The following AP1AR variants were observed in gnomAD, a reference collection of about 807,000 sequenced individuals.
The protein encoded by AP1AR is AP-1 complex-associated regulatory protein.
AP1AR carries 29 observed loss-of-function variants against 46.3 expected under a neutral mutation model. That is an observed-to-expected ratio of 0.63 (90% CI 0.47 to 0.85). The LOEUF (loss-of-function observed/expected upper bound fraction) is 0.85, where lower values mean the gene tolerates loss of function less well. Ranked by LOEUF, AP1AR falls within the 40% of genes least tolerant of loss-of-function variation. The pLI, the probability that AP1AR is intolerant of heterozygous loss-of-function variation, is 0.00. For missense variants in AP1AR, 357 were observed against 356.3 expected (o/e 1.00, Z -0.02); for synonymous variants, 122 against 122.9 (o/e 0.99, Z 0.05).
intron 1 of AP1AR, among the ~76,000 whole-genome samples, chr4:112,243,773 G>C (rs761659348): frequency 3.3e-5 from 5 of 151,296 alleles, no homozygotes; most frequent in African/African-American, 7.3e-5. Context: ...ATGTCTCTTT[G>C]TACACATGTG....
chr4:112,251,748 T>TA (rs1451599274), intron 1 of AP1AR, among the ~76,000 whole-genome samples: 2 of 152,104 alleles, frequency 1.3e-5, no homozygotes, highest in Non-Finnish European at 2.9e-5. Flanking sequence ...AGGCACTAGA[T>TA]AGAGGATTAA....
chr4:112,254,823 T>G (rs778024103), intron 3 of AP1AR, 50 bp downstream of exon 3: 10 of 1,004,778 alleles, frequency 1.0e-5, no homozygotes, highest in Non-Finnish European at 1.3e-5. Flanking sequence ...TTCTCATTAA[T>G]CGTCTCATTA....
At chr4:112,262,544 G>A (rs536888779) in intron 5 of AP1AR, among the ~76,000 whole-genome samples, 1 of 152,316 alleles carries the variant, frequency 6.6e-6, no homozygotes, top group African/African-American at 2.4e-5. Flanking sequence ...GGAGACATGT[G>A]CATTGATGTT....
At chr4:112,249,091 G>C (rs1417017065) in intron 1 of AP1AR, among the ~76,000 whole-genome samples, 1 of 152,032 alleles carries the variant, frequency 6.6e-6, no homozygotes. Flanking sequence ...TCAGGAGTTC[G>C]AGACCAGCCT....
rs777241734 is a variant in AP1AR, at chr4:112,272,728, G to A, written c.*4319G>A. 2.0e-5 allele frequency among the ~76,000 whole-genome samples: 3 copies of A among 151,986 alleles called. No individual in the cohort carries two copies. Among genetic ancestry groups the A allele is most frequent in the Non-Finnish European group, 4.4e-5 (3 of 68,000 alleles). On this transcript the variant is annotated 3_prime_UTR_variant, in exon 10 of 10. Coordinates refer to ENST00000274000, the MANE Select transcript of AP1AR (RefSeq NM_018569.6). ...GCCTTAAATATAATTCTGTCTCTTG[G>A]CTGAATTCTTTCTCCCAAGAAGACA...
intron 8 of AP1AR, among the ~76,000 whole-genome samples, chr4:112,266,295 C>T (rs1023478950): frequency 7.3e-5 from 11 of 151,080 alleles, no homozygotes; most frequent in African/African-American, 2.7e-4. Flanking sequence ...TTTTTTGTGC[C>T]GCTTTGTAAT....
At chr4:112,244,434 A>G (rs1725638098) in intron 1 of AP1AR, among the ~76,000 whole-genome samples, 1 of 152,198 alleles carries the variant, frequency 6.6e-6, no homozygotes, top group Middle Eastern at 3.2e-3. Flanking sequence ...CTGGAATATA[A>G]TACCCAGGCT....
chr4:112,237,400 C>T (rs1026883714), intron 1 of AP1AR, among the ~76,000 whole-genome samples: 2 of 152,172 alleles, frequency 1.3e-5, no homozygotes, highest in African/African-American at 4.8e-5. Flanking sequence ...GCCACTGCGC[C>T]TGGCCAAATA....
At position 112,232,117 on chromosome 4, in the gene AP1AR, GC is replaced by G; in HGVS notation, c.27del (p.Phe10SerfsTer14). ...ATGGGGAACTGCTGCTGGACGCAGT[GC>G]TTCGGACTGCTTCGCAAGGAAGCGG... MGNCCWTQ[C>X]FGLLRKEAGR... On this transcript the variant is annotated frameshift_variant, in exon 1 of 10. Transcript: ENST00000274000. LOFTEE classifies it high-confidence loss of function. 7.7e-7 allele frequency: 1 copy of G among 1,300,914 alleles called. No homozygotes were observed. Among genetic ancestry groups the G allele is most frequent in the South Asian group, 2.4e-5 (1 of 41,166 alleles). The allele number at this position is 1,300,914 out of a possible 1,614,324, so 80.6% of individuals were successfully genotyped here. A position where few individuals can be genotyped will look rare whatever the true frequency, so the allele number is the denominator to read the frequency against.
intron 4 of AP1AR, among the ~76,000 whole-genome samples, chr4:112,260,291 A>C (rs1726384158): frequency 1.3e-5 from 2 of 152,242 alleles, no homozygotes; most frequent in Admixed American, 6.5e-5. Flanking sequence ...AGATAGACTG[A>C]GAAAAGGGAA....
chr4:112,264,393 T>A (rs1521476), intron 6 of AP1AR, among the ~76,000 whole-genome samples: 94,033 of 151,932 alleles, frequency 0.62, 30,758 homozygotes, highest in African/African-American at 0.83. Flanking sequence ...AGACATACAC[T>A]GACACCCACC....
intron 1 of AP1AR, among the ~76,000 whole-genome samples, chr4:112,237,666 C>G (rs1305365399): frequency 6.6e-6 from 1 of 151,672 alleles, no homozygotes; most frequent in Non-Finnish European, 1.5e-5. Context: ...ACCATGTTGC[C>G]CATGCTGGTC....
intron 5 of AP1AR, 40 bp downstream of exon 5, chr4:112,260,902 A>C: frequency 7.9e-7 from 1 of 1,268,324 alleles, no homozygotes; most frequent in Non-Finnish European, 1.1e-6. Flanking sequence ...ATGTTATCAT[A>C]AAGAGAGAAT....
intron 4 of AP1AR, 25 bp downstream of exon 4, chr4:112,257,822 A>G (rs530938165): frequency 1.3e-6 from 2 of 1,537,910 alleles, no homozygotes; most frequent in South Asian, 1.3e-5. Flanking sequence ...AAAAAAAAAA[A>G]CAAAACTTCT....
At chr4:112,257,982 A>G (rs947976985) in intron 4 of AP1AR, among the ~76,000 whole-genome samples, 185 bp downstream of exon 4, 3 of 152,164 alleles carry the variant, frequency 2.0e-5, no homozygotes, top group Non-Finnish European at 1.5e-5. Context: ...TGTTTTGAAT[A>G]TTAAAGAATT....
chr4:112,245,442 G>T (rs1183326439), intron 1 of AP1AR, among the ~76,000 whole-genome samples: 3 of 152,104 alleles, frequency 2.0e-5, no homozygotes, highest in Non-Finnish European at 1.5e-5. Flanking sequence ...ACTTGACCTT[G>T]GATATATGTT....
At chr4:112,235,955 CTCTG>C (rs1226492543) in intron 1 of AP1AR, among the ~76,000 whole-genome samples, 4 of 152,164 alleles carry the variant, frequency 2.6e-5, no homozygotes, top group African/African-American at 9.6e-5. Context: ...GCTATTCTTA[CTCTG>C]TCTATTAAAT....
chr4:112,260,671 T>G, intron 4 of AP1AR, 95 bp from the exon 5 acceptor site: 5 of 754,242 alleles, frequency 6.6e-6, no homozygotes, highest in Non-Finnish European at 1.0e-5. Context: ...CAGCAAAATT[T>G]GAGAATTTCA....
intron 4 of AP1AR, among the ~76,000 whole-genome samples, chr4:112,258,446 G>A (rs1726299803): frequency 6.6e-6 from 1 of 152,184 alleles, no homozygotes; most frequent in Non-Finnish European, 1.5e-5. Context: ...TGGTCTGGGA[G>A]ATAGATTCTC....
Sources: allele counts gnomAD v4.1 joint callset (sites outside exome capture counted in the v4.1 genomes callset), GRCh38; gene constraint gnomAD v4.1.1; transcripts MANE v1.5; gene names NCBI Gene and HGNC (gene_info 2026-07-23, HGNC 2026-07-21).